Variants in HR observed in about 807,000 individuals in gnomAD.
The protein encoded by HR is HR lysine demethylase and nuclear receptor corepressor, also known as lysine-specific demethylase hairless.
HR carries 83 observed loss-of-function variants against 128.6 expected under a neutral mutation model. The observed-to-expected ratio is 0.65, with a 90% CI of 0.54 to 0.77. The LOEUF (loss-of-function observed/expected upper bound fraction) is 0.77. HR is among the 30% of genes least tolerant of loss of function. The pLI is 0.00. For synonymous variants in HR, 681 were observed against 658.2 expected (o/e 1.03, Z -0.53); for missense variants, 1,490 against 1,574.6 (o/e 0.95, Z 0.91).
intron 5 of HR, 69 bp downstream of exon 5, chr8:22,125,242 G>T: frequency 6.7e-7 from 1 of 1,485,630 alleles, no homozygotes; most frequent in Non-Finnish European, 9.1e-7. Flanking sequence ...AGTGTGGGTG[G>T]GGTCAGGGGA....
chr8:22,115,567 G>T lies in HR; in HGVS notation c.*133C>A. 1.3e-6 allele frequency: 1 copy of T among 779,150 alleles called. No individual in the cohort carries two copies. The highest frequency in any genetic ancestry group is 2.2e-6 in the Non-Finnish European group (1 of 446,898). 48.3% of individuals were successfully genotyped at this position (779,150 alleles called of 1,614,324 possible). A position where few individuals can be genotyped will look rare whatever the true frequency, so the allele number is the denominator to read the frequency against. ...GGGAGGGGAACAGAGTGCCCTGCTT[G>T]TGCCCAGAGTGGTGCTTGTGGGGTT... On this transcript the variant is annotated 3_prime_UTR_variant, in exon 19 of 19. Transcript: ENST00000381418.
rs1282530750 is a variant in HR at position 22,116,800 on chromosome 8, G to A, written c.3378+75C>T. On this transcript the variant is annotated intron_variant, in intron 17 of 18. Transcript: ENST00000381418. This position sits in a 1 kb window ranked among gnomAD's most constrained non-coding sequence, Gnocchi z 4.2. ...GGCTCTTGGGTATTGAGGGGATGTT[G>A]GATGCCTGCGGCCTTGATTGGGTCG... is the stretch of plus-strand genomic sequence containing the variant. 6 of 1,514,970 alleles carry A rather than the reference G, an allele frequency of 4.0e-6. No homozygotes were observed. In the East Asian group the frequency reaches 1.2e-4, roughly 31 times the overall value. The allele number at this position is 1,514,970 out of a possible 1,614,324, so 93.8% of individuals were successfully genotyped here.
intron 16 of HR, chr8:22,118,646 G>A (rs931754147): frequency 2.2e-6 from 1 of 459,054 alleles, no homozygotes; most frequent in Non-Finnish European, 4.0e-6. Context: ...GGGGGGCTGA[G>A]ACGGGTAACA....
chr8:22,127,467 G>A lies in HR; in HGVS notation c.975C>T (p.Gly325=), dbSNP rs759509275. The A allele has an allele frequency of 4.3e-6, 7 of 1,610,910 alleles. No homozygotes were observed. The highest frequency in any genetic ancestry group is 5.9e-6 in the Non-Finnish European group (7 of 1,178,182). ...TAGTGGGTGGGTAGGATGAACAGCA[G>A]CCCCGCTGGGTGACAGGCGGCTCAG... ...PSPEPPVTQR[G]CCSSYPPTKG... is the part of the protein sequence containing the mutation. Residue 325 remains glycine (G), a synonymous_variant, in exon 3 of 19, where the codon GGC becomes GGT. Coordinates refer to ENST00000381418, the MANE Select transcript of HR (RefSeq NM_005144.5).
intron 8 of HR, 33 bp downstream of exon 8, chr8:22,122,460 G>A (rs774815922): frequency 3.3e-6 from 5 of 1,512,826 alleles, no homozygotes; most frequent in Non-Finnish European, 4.5e-6. Context: ...TTGCAGGCAC[G>A]ATACCCAACC....
chr8:22,119,213 G>A lies in HR; in HGVS notation c.3048C>T (p.Ile1016=). The change falls in exon 15 of 19, where the codon ATC becomes ATT. Residue 1016 remains isoleucine, a synonymous_variant. Coordinates refer to ENST00000381418, the MANE Select transcript of HR (RefSeq NM_005144.5). ...GCAGTGGTGTGTCGGCATGCACCAG[G>A]ATGCTGACCAGGTCGGCCACCTCCA... is the stretch of plus-strand genomic sequence containing the variant. ...LCVEVADLVS[I]LVHADTPLPA... 6.2e-7 allele frequency: 1 copy of A among 1,613,898 alleles called. No individual in the cohort carries two copies. Among genetic ancestry groups the A allele is most frequent in the Non-Finnish European group, 8.5e-7 (1 of 1,180,024 alleles).
chr8:22,116,914 G>C lies in HR; in HGVS notation c.3339C>G (p.Pro1113=), dbSNP rs112173147. 1.9e-6 allele frequency: 3 copies of C among 1,559,346 alleles called. No homozygotes were observed. The highest frequency in any genetic ancestry group is 2.6e-6 in the Non-Finnish European group (3 of 1,157,624). The part of the protein sequence containing the change: ...GVSCWTLLQA[P]GEAVLVPAGA... Reference sequence around the variant, plus strand: ...CTGCAGGCACCAGCACGGCCTCTCCGGGGGCCTGGAGCAGGGTCCAGCAGC... The same window carrying C: ...CTGCAGGCACCAGCACGGCCTCTCCCGGGGCCTGGAGCAGGGTCCAGCAGC... The change falls in exon 17 of 19, where the codon CCC becomes CCG. Residue 1113 remains proline (P), a synonymous_variant. Coordinates refer to ENST00000381418, the MANE Select transcript of HR (RefSeq NM_005144.5). The surrounding 1 kb of genome is among the most constrained non-coding windows in gnomAD (Gnocchi z 4.2).
In HR at chr8:22,127,484, G is replaced by A. The variant is rs764383638; in HGVS notation, c.958C>T (p.Pro320Ser). ...ATPRCPSPEP[P>S]VTQRGCCSSY... Reference sequence around the variant, plus strand: ...GAACAGCAGCCCCGCTGGGTGACAGGCGGCTCAGGAGAGGGGCACCTTGGT... The same window carrying A: ...GAACAGCAGCCCCGCTGGGTGACAGACGGCTCAGGAGAGGGGCACCTTGGT... The change falls in exon 3 of 19, where the codon CCT becomes TCT. Residue 320 changes from proline to serine, a missense_variant. Transcript: ENST00000381418. The A allele has an allele frequency of 3.1e-6, 5 of 1,611,490 alleles. No individual in the cohort carries two copies. The highest frequency in any genetic ancestry group is 2.5e-6 in the Non-Finnish European group (3 of 1,178,630).
At position 22,127,328 on chromosome 8, in the gene HR, G is replaced by A. The variant is rs776398559; in HGVS notation, c.1114C>T (p.Pro372Ser). The change falls in exon 3 of 19, where the codon CCC becomes TCC. Residue 372 changes from proline to serine, a missense_variant. Transcript: ENST00000381418. ...TTCAGCTTGGTGTGGTGGCTGGGGG[G>A]ACAGGCCCTGGGGCCAGAGGCCTTG... ...VNKASGPRAC[P>S]PSHHTKLKKT... 10 of 1,613,362 alleles carry A rather than the reference G, an allele frequency of 6.2e-6. No homozygotes were observed. In the South Asian group the frequency reaches 8.8e-5, roughly 14 times the overall value.
Position 22,125,329 on chromosome 8 carries a change from C to A in HR, c.1732G>T (p.Ala578Ser), listed in dbSNP as rs1207877151. The change falls in exon 5 of 19, where the codon GCT becomes TCT. Residue 578 changes from alanine to serine, a missense_variant. Transcript: ENST00000381418. ...TGTTCACCTTCCCGCTGGGCCCAAG[C>A]CAGGGCCTCCCGCTCCCTCCGCAGC... ...RLLRREREALAWAQREGQGPA... is the reference protein window; with the variant it reads ...RLLRREREALSWAQREGQGPA... 6.3e-7 allele frequency: 1 copy of A among 1,586,172 alleles called. No homozygotes were observed. Among genetic ancestry groups the A allele is most frequent in the Non-Finnish European group, 8.6e-7 (1 of 1,166,966 alleles).
At position 22,119,233 on chromosome 8, in the gene HR, C is replaced by T; in HGVS notation, c.3028G>A (p.Val1010Met). Residue 1010 changes from valine (V) to methionine (M), a missense_variant, in exon 15 of 19, where the codon GTG becomes ATG. By Grantham distance (21) the Val-to-Met change is conservative. Transcript: ENST00000381418. ...HLGTKNLCVE[V>M]ADLVSILVHA... is the part of the protein sequence containing the mutation. ...ACCAGGATGCTGACCAGGTCGGCCACCTCCACACAGAGGTTCTTGGTCCCC... is the reference window on the plus strand; with the variant it reads ...ACCAGGATGCTGACCAGGTCGGCCATCTCCACACAGAGGTTCTTGGTCCCC... 6.2e-7 allele frequency: 1 copy of T among 1,613,866 alleles called. No homozygotes were observed. Among genetic ancestry groups the T allele is most frequent in the Non-Finnish European group, 8.5e-7 (1 of 1,180,024 alleles).
intron 3 of HR, among the ~76,000 whole-genome samples, chr8:22,126,665 C>T (rs982916916): frequency 1.3e-5 from 2 of 152,194 alleles, no homozygotes; most frequent in Non-Finnish European, 1.5e-5. Context: ...AGGTAGGTGC[C>T]GTCTTCTTCC....
chr8:22,123,617 T>TGGCCCCCCCCCCC, intron 6 of HR, 32 bp downstream of exon 6: 1 of 292,092 alleles, frequency 3.4e-6, no homozygotes, highest in Non-Finnish European at 6.2e-6. Context: ...GAGGGCTCCA[T>TGGCCCCCCCCCCC]CCCGCCCTCC....
In HR at chr8:22,116,459, C is replaced by G. The variant is rs1454627579; in HGVS notation, c.3379-31G>C. 3.1e-6 allele frequency: 5 copies of G among 1,608,892 alleles called. No homozygotes were observed. Among genetic ancestry groups the G allele is most frequent in the Non-Finnish European group, 4.2e-6 (5 of 1,177,726 alleles). ...TCGGGGGGACATGGACAGTGAGGCT[C>G]AAGATCACACATCCTCTCCCTGTCC... On this transcript the variant is annotated intron_variant, in intron 17 of 18. Transcript: ENST00000381418. The surrounding 1 kb of genome is among the most constrained non-coding windows in gnomAD (Gnocchi z 4.2).
intron 16 of HR, 136 bp from the exon 17 acceptor site, chr8:22,117,175 G>T: frequency 1.1e-6 from 1 of 916,278 alleles, no homozygotes; most frequent in Non-Finnish European, 1.6e-6. Context: ...AGGCAGGGAG[G>T]GCATGGCTGA....
Position 22,120,742 on chromosome 8 carries a change from A to G in HR, c.2584T>C (p.Phe862Leu). Residue 862 changes from phenylalanine (F) to leucine (L), a missense_variant, in exon 11 of 19, where the codon TTC becomes CTC. Phe to Leu is a conservative substitution (Grantham distance 22). This residue lies in a region of HR where 423 missense variants were observed against 495.9 expected (regional missense o/e 0.85). Transcript: ENST00000381418. ...TGGCCCTGCCTCCAGTGCTCCTGGA[A>G]GAGGTGGAAGCCACGCCGAGGGCAA... The part of the protein sequence containing the change: ...QPCPRRGFHL[F>L]QEHWRQGQPV... 6.6e-7 allele frequency: 1 copy of G among 1,508,360 alleles called. No individual in the cohort carries two copies. The highest frequency in any genetic ancestry group is 8.9e-7 in the Non-Finnish European group (1 of 1,128,430). 93.4% of individuals were successfully genotyped at this position (1,508,360 alleles called of 1,614,324 possible). A position where few individuals can be genotyped will look rare whatever the true frequency, so the allele number is the denominator to read the frequency against.
At chr8:22,119,738 G>A in intron 14 of HR, 22 bp downstream of exon 14, 1 of 1,595,292 alleles carries the variant, frequency 6.3e-7, no homozygotes, top group Non-Finnish European at 8.5e-7. Context: ...TAGAGACTGG[G>A]CAGGAGTGGA....
At position 22,118,859 on chromosome 8, in the gene HR, G is replaced by C. The variant is rs539252046; in HGVS notation, c.3213+91C>G. ...CTCACCTGAGGGCGTGGGGCAGGGA[G>C]CGAGCACATGGGACCGCACACTGGG... On this transcript the variant is annotated intron_variant, in intron 16 of 18. Transcript: ENST00000381418. 17 of 1,106,704 alleles carry C rather than the reference G, an allele frequency of 1.5e-5. No homozygotes were observed. The South Asian group carries it at 1.8e-4, about 12-fold the overall frequency. 68.6% of individuals were successfully genotyped at this position (1,106,704 alleles called of 1,614,324 possible).
chr8:22,128,396 C>T (rs1473144001), intron 2 of HR, 163 bp downstream of exon 2: 2 of 975,534 alleles, frequency 2.1e-6, no homozygotes, highest in Non-Finnish European at 3.1e-6. Context: ...CAGGGTAGGG[C>T]TTGCTTGGGG....
Sources: gnomAD v4.1 joint callset for allele counts (sites outside exome capture counted in the v4.1 genomes callset) on GRCh38, gnomAD v4.1.1 for gene constraint, gnomAD v4.1.1 regional missense constraint, Gnocchi (gnomAD v3.1) non-coding constraint, MANE v1.5 for transcripts, NCBI Gene and HGNC (gene_info 2026-07-23, HGNC 2026-07-21) for gene names.